The following KIRREL3 variants were observed in gnomAD, a reference collection of about 807,000 sequenced individuals.
KIRREL3 encodes the protein kin of IRRE-like protein 3.
A neutral mutation model predicts 89.7 loss-of-function variants in KIRREL3; 36 were observed. The ratio of observed to expected loss-of-function variants is 0.40; its 90% CI spans 0.31 to 0.53. The LOEUF (loss-of-function observed/expected upper bound fraction) is 0.53, where lower values mean the gene tolerates loss of function less well. Among genes scored for constraint, KIRREL3 ranks in the 20% least tolerant of loss-of-function variants. The pLI is 0.49. For missense variants in KIRREL3, 864 were observed against 1,056.6 expected (o/e 0.82, Z 2.53); for synonymous variants, 445 against 441.4 (o/e 1.01, Z -0.10).
intron 1 of KIRREL3, among the ~76,000 whole-genome samples, chr11:126,846,688 A>C (rs1488127381): frequency 6.6e-6 from 1 of 152,152 alleles, no homozygotes; most frequent in African/African-American, 2.4e-5. Flanking sequence ...GACAAACAAA[A>C]AAAAATTTCA....
intron 1 of KIRREL3, among the ~76,000 whole-genome samples, chr11:126,706,517 C>T (rs796310942): frequency 2.2e-4 from 34 of 152,184 alleles, no homozygotes; most frequent in African/African-American, 7.7e-4. Flanking sequence ...GAACAAAATG[C>T]TTAATAAATG....
At chr11:126,869,652 C>A (rs1286673656) in intron 1 of KIRREL3, among the ~76,000 whole-genome samples, 1 of 152,176 alleles carries the variant, frequency 6.6e-6, no homozygotes, top group Non-Finnish European at 1.5e-5. Flanking sequence ...CTGGCTGCAT[C>A]CGCCTCAGGG....
chr11:126,774,582 T>C (rs7950728), intron 1 of KIRREL3, among the ~76,000 whole-genome samples: 48,133 of 152,094 alleles, frequency 0.32, 8,552 homozygotes, highest in African/African-American at 0.46. Context: ...ACGGTGGGGC[T>C]GAGCGTGGGT....
chr11:126,427,867 A>G lies in KIRREL3; in HGVS notation c.1806+1312T>C, dbSNP rs1250348753. ...GCTGTAATCATCCAGGGGAGCAATG[A>G]TGAGGCCTGAAGTAAAGAAGTGATG... On this transcript the variant is annotated intron_variant, in intron 15 of 16. Coordinates refer to ENST00000525144, the MANE Select transcript of KIRREL3 (RefSeq NM_032531.4). The surrounding 1 kb of genome is among the most constrained non-coding windows in gnomAD (Gnocchi z 5.3). Among the ~76,000 whole-genome samples the G allele has an allele frequency of 6.6e-6, 1 of 152,224 alleles. No homozygotes were observed. Among genetic ancestry groups the G allele is most frequent in the Non-Finnish European group, 1.5e-5 (1 of 68,032 alleles).
chr11:126,520,134 G>A lies in KIRREL3; in HGVS notation c.433+1181C>T, dbSNP rs894464637. Among the ~76,000 whole-genome samples, 1 of 152,158 alleles carries A rather than the reference G, an allele frequency of 6.6e-6. No homozygotes were observed. The highest frequency in any genetic ancestry group is 1.5e-5 in the Non-Finnish European group (1 of 68,048). Reference sequence around the variant, plus strand: ...TGGAATAATCTGCCCTGGTGTCTTTGGCCATGTAGATCTGAAGATAACCTG... The same window carrying A: ...TGGAATAATCTGCCCTGGTGTCTTTAGCCATGTAGATCTGAAGATAACCTG... On this transcript the variant is annotated intron_variant, in intron 4 of 16. Coordinates refer to ENST00000525144, the MANE Select transcript of KIRREL3 (RefSeq NM_032531.4). This position sits in a 1 kb window ranked among gnomAD's most constrained non-coding sequence, Gnocchi z 4.9.
intron 1 of KIRREL3, among the ~76,000 whole-genome samples, chr11:126,952,987 A>G (rs2135152983): frequency 6.6e-6 from 1 of 152,372 alleles, no homozygotes; most frequent in East Asian, 1.9e-4. Flanking sequence ...TACTGGGTAT[A>G]TACCCAAAGG....
rs577250083 is a variant in KIRREL3 at position 126,425,006 on chromosome 11, G to A, written c.1911C>T (p.Tyr637=). ...FQNLKDPTNG[Y]YSVNTFKEHH... ...GCTCTTTGAAGGTGTTGACGCTGTA[G>A]TAGCCATTGGTGGGGTCCTGGATGG... The change falls in exon 17 of 17, where the codon TAC becomes TAT. Residue 637 remains tyrosine (Y), a synonymous_variant. Transcript: ENST00000525144. 25 of 1,542,704 alleles carry A rather than the reference G, an allele frequency of 1.6e-5. No individual in the cohort carries two copies. In the East Asian group the frequency reaches 4.3e-4, roughly 27 times the overall value.
At position 126,768,125 on chromosome 11, in the gene KIRREL3, TATCCATCTATCC is replaced by T. The variant is rs796875756; in HGVS notation, c.56-205225_56-205214del. Among the ~76,000 whole-genome samples, 74 of 127,028 alleles carry T rather than the reference TATCCATCTATCC, an allele frequency of 5.8e-4. 1 individual carries two copies. In the South Asian group the frequency reaches 0.019, roughly 32 times the overall value. 83.3% of individuals were successfully genotyped at this position (127,028 alleles called of 152,430 possible). A position where few individuals can be genotyped will look rare whatever the true frequency, so the allele number is the denominator to read the frequency against. ...TCATCCATCTGTCCATCCATCTGTCTATCCATCTATCCATCCATCCATCCATCCATCCATCCA... is the reference window on the plus strand; with the variant it reads ...TCATCCATCTGTCCATCCATCTGTCTATCCATCCATCCATCCATCCATCCA... On this transcript the variant is annotated intron_variant, in intron 1 of 16. Transcript: ENST00000525144. This position sits in a 1 kb window ranked among gnomAD's most constrained non-coding sequence, Gnocchi z 4.5.
chr11:126,904,333 T>C lies in KIRREL3; in HGVS notation c.55+96122A>G, dbSNP rs1236944419. On this transcript the variant is annotated intron_variant, in intron 1 of 16. Transcript: ENST00000525144. The surrounding 1 kb of genome is among the most constrained non-coding windows in gnomAD (Gnocchi z 4.4). ...TTATGGCCCGAAGCCCCCAAACTCA[T>C]GATTATTTGCTATTTTGCCATTGCT... 6.6e-6 allele frequency among the ~76,000 whole-genome samples: 1 copy of C among 152,188 alleles called. No homozygotes were observed.
rs180930464 is a variant in KIRREL3 at position 126,677,739 on chromosome 11, C to A, written c.56-114827G>T. 8.3e-3 allele frequency among the ~76,000 whole-genome samples: 1,267 copies of A among 152,288 alleles called. 13 individuals are homozygous for A. The highest frequency in any genetic ancestry group is 0.012 in the Non-Finnish European group (846 of 68,022). ...TCCAGGGGAGCCCCCTGGACCAAAG[C>A]AGGACAGAGCTAATTCCAGGAACAA... is the stretch of plus-strand genomic sequence containing the variant. On this transcript the variant is annotated intron_variant, in intron 1 of 16. Transcript: ENST00000525144. The surrounding 1 kb of genome is among the most constrained non-coding windows in gnomAD (Gnocchi z 5.1).
At chr11:126,469,764 T>C (rs74196677) in intron 5 of KIRREL3, among the ~76,000 whole-genome samples, 33,285 of 152,222 alleles carry the variant, frequency 0.22, 4,236 homozygotes, top group Admixed American at 0.38. Context: ...ACAGGGCCTC[T>C]TCCCATGCTC....
rs1236982226 is a variant in KIRREL3, at chr11:126,615,252, T to A, written c.56-52340A>T. Among the ~76,000 whole-genome samples the A allele has an allele frequency of 1.3e-5, 2 of 152,208 alleles. No individual in the cohort carries two copies. The highest frequency in any genetic ancestry group is 2.9e-5 in the Non-Finnish European group (2 of 68,034). Reference sequence around the variant, plus strand: ...AGACGACATCTTTCTCATCTCTGTATTCTCAGCACCTAATCCAGTTCCTGG... The same window carrying A: ...AGACGACATCTTTCTCATCTCTGTAATCTCAGCACCTAATCCAGTTCCTGG... On this transcript the variant is annotated intron_variant, in intron 1 of 16. Transcript: ENST00000525144. The surrounding 1 kb of genome is among the most constrained non-coding windows in gnomAD (Gnocchi z 5.4).
chr11:126,882,032 C>T (rs917675314), intron 1 of KIRREL3, among the ~76,000 whole-genome samples: 1 of 152,030 alleles, frequency 6.6e-6, no homozygotes, highest in African/African-American at 2.4e-5. Context: ...GGGGATCAAG[C>T]CCTAAATAGG....
chr11:126,873,193 G>C (rs1292070852), intron 1 of KIRREL3, among the ~76,000 whole-genome samples: 1 of 152,112 alleles, frequency 6.6e-6, no homozygotes, highest in Non-Finnish European at 1.5e-5. Flanking sequence ...TATTTTAAAA[G>C]TATAAAATAC....
rs1302812065 is a variant in KIRREL3, at chr11:126,440,301, T to C, written c.1353+148A>G. ...TGCAATTGTGTCTTCACGATGCTTT[T>C]CCAAGACAGCCAAGGCAGGTATAAT... On this transcript the variant is annotated intron_variant, in intron 11 of 16. Coordinates refer to ENST00000525144, the MANE Select transcript of KIRREL3 (RefSeq NM_032531.4). The C allele has an allele frequency of 1.6e-5, 12 of 755,456 alleles. No individual in the cohort carries two copies. The East Asian group carries it at 2.9e-4, about 18-fold the overall frequency. The allele number at this position is 755,456 out of a possible 1,614,324, so 46.8% of individuals were successfully genotyped here.
chr11:126,775,423 G>C (rs1565721571), intron 1 of KIRREL3, among the ~76,000 whole-genome samples: 1 of 152,106 alleles, frequency 6.6e-6, no homozygotes, highest in Admixed American at 6.5e-5. Context: ...TCCTTGAAGG[G>C]GGTGCCCATC....
Position 126,496,376 on chromosome 11 carries a change from G to A in KIRREL3, c.434-22910C>T, listed in dbSNP as rs1292796394. Reference sequence around the variant, plus strand: ...CACTTTATAGATGAAGAAACTGAGGGTCAGAGAGGCTAAGTGATTTGGACA... The same window carrying A: ...CACTTTATAGATGAAGAAACTGAGGATCAGAGAGGCTAAGTGATTTGGACA... On this transcript the variant is annotated intron_variant, in intron 4 of 16. Coordinates refer to ENST00000525144, the MANE Select transcript of KIRREL3 (RefSeq NM_032531.4). The surrounding 1 kb of genome is among the most constrained non-coding windows in gnomAD (Gnocchi z 4.9). Among the ~76,000 whole-genome samples, 1 of 152,174 alleles carries A rather than the reference G, an allele frequency of 6.6e-6. No homozygotes were observed. The highest frequency in any genetic ancestry group is 1.5e-5 in the Non-Finnish European group (1 of 68,046).
intron 1 of KIRREL3, among the ~76,000 whole-genome samples, chr11:126,852,772 G>C (rs901633958): frequency 6.6e-6 from 1 of 152,172 alleles, no homozygotes; most frequent in Non-Finnish European, 1.5e-5. Flanking sequence ...CTGTACTAAA[G>C]GTCCCCCGGC....
chr11:126,899,033 A>AGG (rs1946272032), intron 1 of KIRREL3, among the ~76,000 whole-genome samples: 1 of 151,494 alleles, frequency 6.6e-6, no homozygotes. Flanking sequence ...CGCATTCCTG[A>AGG]GGTCCCTTTG....
Sources: allele counts gnomAD v4.1 joint callset (sites outside exome capture counted in the v4.1 genomes callset), GRCh38; gene constraint gnomAD v4.1.1; non-coding constraint Gnocchi (gnomAD v3.1); transcripts MANE v1.5; gene names NCBI Gene and HGNC (gene_info 2026-07-23, HGNC 2026-07-21).